KALRN: variants seen among roughly 807,000 people sequenced by gnomAD.
KALRN encodes kalirin.
A neutral mutation model predicts 353.7 loss-of-function variants in KALRN; 70 were observed. The observed-to-expected ratio is 0.20, with a 90% confidence interval of 0.16 to 0.24. The LOEUF is 0.24. Among genes scored for constraint, KALRN ranks in the 10% least tolerant of loss-of-function variants. KALRN has a pLI of 1.00. For missense variants in KALRN, 2,791 were observed against 3,756.7 expected, an observed-to-expected ratio of 0.74 and a Z score of 6.72; for synonymous variants, 1,391 against 1,434.8, an observed-to-expected ratio of 0.97 and a Z score of 0.69.
In KALRN at chr3:124,671,726, C is replaced by T. The variant is rs940946966; in HGVS notation, c.6770C>T (p.Ala2257Val). Residue 2257 changes from alanine (A) to valine (V), a missense_variant, in exon 48 of 60, where the codon GCC becomes GTC. By Grantham distance (64) the Ala-to-Val change is moderately conservative. This residue lies in a region of KALRN where 1,065 missense variants were observed against 1,156.4 expected (regional missense o/e 0.92). Transcript: ENST00000682506. ...ACAGCTGTGATGAGGTCTCAACCTG[C>T]CAGGCTTCCCCAAGCCAGCCCCAGG... ...RSTAVMRSQP[A>V]RLPQASPRPY... 1.9e-5 allele frequency: 31 copies of T among 1,613,980 alleles called. No individual in the cohort carries two copies. The highest frequency in any genetic ancestry group is 2.4e-5 in the Non-Finnish European group (28 of 1,180,002).
intron 1 of KALRN, among the ~76,000 whole-genome samples, chr3:124,098,777 C>T (rs186828213): frequency 3.1e-4 from 47 of 152,164 alleles, no homozygotes; most frequent in African/African-American, 1.1e-3. Flanking sequence ...ACCTTGCAGT[C>T]CACTAATTTC....
At chr3:124,278,908 G>A (rs189416848) in intron 5 of KALRN, among the ~76,000 whole-genome samples, 1 of 152,230 alleles carries the variant, frequency 6.6e-6, no homozygotes, top group African/African-American at 2.4e-5. Context: ...TAGGCATTTT[G>A]CTTTGAGGAA....
chr3:124,090,677 T>G (rs1577954700), intron 1 of KALRN, among the ~76,000 whole-genome samples: 1 of 152,102 alleles, frequency 6.6e-6, no homozygotes, highest in East Asian at 1.9e-4. Flanking sequence ...GGGTACGCAC[T>G]AGAATTCAAG....
chr3:124,671,877 G>A lies in KALRN; in HGVS notation c.6921G>A (p.Gly2307=), dbSNP rs757262084. The part of the protein sequence containing the change: ...GSPGFEYHQP[G]DKFEASKNDL... Reference sequence around the variant, plus strand: ...CAGGGTTTGAATACCACCAGCCTGGGGACAAGTTCGAAGCCAGCAAGGTAA... The same window carrying A: ...CAGGGTTTGAATACCACCAGCCTGGAGACAAGTTCGAAGCCAGCAAGGTAA... The change falls in exon 48 of 60, where the codon GGG becomes GGA. Residue 2307 remains glycine, a synonymous_variant. Coordinates refer to ENST00000682506, the MANE Select transcript of KALRN (RefSeq NM_001388419.1). 6.2e-6 allele frequency: 10 copies of A among 1,613,756 alleles called. No individual in the cohort carries two copies. Among genetic ancestry groups the A allele is most frequent in the African/African-American group, 1.3e-5 (1 of 75,030 alleles).
At chr3:124,368,669 G>A (rs1420731483) in intron 10 of KALRN, among the ~76,000 whole-genome samples, 1 of 147,546 alleles carries the variant, frequency 6.8e-6, no homozygotes, top group Admixed American at 6.7e-5. Flanking sequence ...TGGCGGCCGG[G>A]CAGAGGCTGC....
intron 1 of KALRN, among the ~76,000 whole-genome samples, chr3:124,082,746 G>A (rs538622818): frequency 1.3e-5 from 2 of 152,322 alleles, no homozygotes; most frequent in African/African-American, 4.8e-5. Context: ...CAACATGAAC[G>A]CAATGAACTA....
chr3:124,274,224 C>T (rs1251640944), intron 5 of KALRN, among the ~76,000 whole-genome samples: 2 of 152,184 alleles, frequency 1.3e-5, no homozygotes, highest in African/African-American at 4.8e-5. Flanking sequence ...CTCCCACACA[C>T]CGTAGAAATC....
chr3:124,209,351 A>G lies in KALRN; in HGVS notation c.74-18639A>G, dbSNP rs147715403. Reference sequence around the variant, plus strand: ...AAAACCCCATCTCTATTAAAAATACAAAAAATCAGCTGGGTGGTGGTGGTG... The same window carrying G: ...AAAACCCCATCTCTATTAAAAATACGAAAAATCAGCTGGGTGGTGGTGGTG... On this transcript the variant is annotated intron_variant, in intron 1 of 59. Coordinates refer to ENST00000682506, the MANE Select transcript of KALRN (RefSeq NM_001388419.1). Among the ~76,000 whole-genome samples the G allele has an allele frequency of 1.4e-3, 207 of 152,034 alleles. 1 individual carries two copies. The highest frequency in any genetic ancestry group is 4.6e-3 in the African/African-American group (190 of 41,478).
intron 11 of KALRN, 71 bp downstream of exon 11, chr3:124,385,107 C>A: frequency 7.2e-7 from 1 of 1,379,858 alleles, no homozygotes; most frequent in Non-Finnish European, 9.9e-7. Context: ...TAAAATGGCC[C>A]TGAAGGTCTG....
chr3:124,057,358 A>G (rs139908664), intron 1 of KALRN, among the ~76,000 whole-genome samples: 2 of 152,294 alleles, frequency 1.3e-5, no homozygotes, highest in African/African-American at 2.4e-5. Context: ...AGTTTATAGA[A>G]TGATCAAGAG....
intron 15 of KALRN, 70 bp from the exon 16 acceptor site, chr3:124,430,586 T>C: frequency 9.5e-6 from 15 of 1,578,164 alleles, no homozygotes; most frequent in Non-Finnish European, 1.2e-5. Flanking sequence ...GAAGTCCCCA[T>C]GAGAGGAGGC....
intron 19 of KALRN, among the ~76,000 whole-genome samples, chr3:124,445,945 A>G (rs1249870479): frequency 6.6e-6 from 1 of 152,338 alleles, no homozygotes; most frequent in East Asian, 1.9e-4. Context: ...AACTCTCATC[A>G]ATGGGCTCTC....
intron 6 of KALRN, among the ~76,000 whole-genome samples, chr3:124,313,409 A>T (rs181258428): frequency 3.9e-5 from 6 of 152,384 alleles, no homozygotes; most frequent in Admixed American, 3.3e-4. Flanking sequence ...TTATCAATCA[A>T]GTTGAACAGG....
intron 33 of KALRN, among the ~76,000 whole-genome samples, chr3:124,541,720 TAAA>T (rs753191575): frequency 1.7e-5 from 2 of 117,244 alleles, no homozygotes; most frequent in Admixed American, 8.7e-5. Flanking sequence ...CCATCTCTAC[TAAA>T]AAAAAAAAAA....
chr3:124,050,223 C>T (rs983385302), intron 1 of KALRN, among the ~76,000 whole-genome samples: 1 of 152,162 alleles, frequency 6.6e-6, no homozygotes, highest in African/African-American at 2.4e-5. Context: ...AATTTATGTC[C>T]TACTTTTTGC....
At chr3:124,223,372 C>T (rs1346457017) in intron 1 of KALRN, among the ~76,000 whole-genome samples, 1 of 152,136 alleles carries the variant, frequency 6.6e-6, no homozygotes, top group Non-Finnish European at 1.5e-5. Flanking sequence ...CTCAGTGACT[C>T]AGTGCCATTT....
chr3:124,061,632 A>C (rs1259527745), intron 1 of KALRN, among the ~76,000 whole-genome samples: 1 of 152,212 alleles, frequency 6.6e-6, no homozygotes, highest in Non-Finnish European at 1.5e-5. Context: ...CTAATTTTCC[A>C]AATATGTTTT....
At chr3:124,553,953 A>G (rs2070878213) in intron 33 of KALRN, among the ~76,000 whole-genome samples, 1 of 152,286 alleles carries the variant, frequency 6.6e-6, no homozygotes, top group South Asian at 2.1e-4. Flanking sequence ...AGTTGCTACT[A>G]CTGCCTCTTC....
Position 124,350,557 on chromosome 3 carries a change from A to G in KALRN, c.1770+3292A>G, listed in dbSNP as rs555653206. On this transcript the variant is annotated intron_variant, in intron 10 of 59. Coordinates refer to ENST00000682506, the MANE Select transcript of KALRN (RefSeq NM_001388419.1). ...ATGCTGTCCCTCCTTATTGAGGTAT[A>G]GGAAGTGGGCATAAAATTCATTTCT... is the stretch of plus-strand genomic sequence containing the variant. 5.3e-5 allele frequency among the ~76,000 whole-genome samples: 8 copies of G among 152,280 alleles called. No individual in the cohort carries two copies. In the East Asian group the frequency reaches 1.4e-3, roughly 26 times the overall value.
Sources: gnomAD v4.1 joint callset for allele counts (sites outside exome capture counted in the v4.1 genomes callset) on GRCh38, gnomAD v4.1.1 for gene constraint, gnomAD v4.1.1 regional missense constraint, MANE v1.5 for transcripts, NCBI Gene and HGNC (gene_info 2026-07-23, HGNC 2026-07-21) for gene names.